The following DRC4 variants were observed in gnomAD, a reference collection of about 807,000 sequenced individuals.
DRC4 encodes dynein regulatory complex subunit 4, also known as GAS-11.
the DRC4 span, among the ~76,000 whole-genome samples, chr16:90,032,526 TATGGGTGAC>T: frequency 7.4e-6 from 1 of 134,630 alleles, no homozygotes; most frequent in African/African-American, 2.9e-5. Context: ...GCAGGTGTGG[TATGGGTGAC>T]CAGGTGTGTA....
chr16:90,042,627 C>T, the DRC4 span: 8 of 1,020,562 alleles, frequency 7.8e-6, no homozygotes, highest in Admixed American at 7.3e-5. Context: ...CACCTGTGCC[C>T]ACTTCGTACC....
At chr16:90,025,800 A>G in the DRC4 span, among the ~76,000 whole-genome samples, 1 of 151,212 alleles carries the variant, frequency 6.6e-6, no homozygotes, top group Non-Finnish European at 1.5e-5. Flanking sequence ...AGGCAGGAGA[A>G]TTGTTTGAAC....
At chr16:90,027,769 G>A in the DRC4 span, 2 of 1,541,992 alleles carry the variant, frequency 1.3e-6, no homozygotes, top group Non-Finnish European at 1.8e-6. Context: ...GCGTGGGCGG[G>A]CACCACGCAG....
At chr16:90,036,573 T>C in the DRC4 span, 3 of 1,578,076 alleles carry the variant, frequency 1.9e-6, no homozygotes, top group African/African-American at 4.1e-5. Flanking sequence ...CTGGCCCTCA[T>C]CAACTCCCTC....
chr16:90,040,881 G>T, the DRC4 span, among the ~76,000 whole-genome samples: 2 of 152,266 alleles, frequency 1.3e-5, no homozygotes, highest in East Asian at 1.9e-4. Context: ...TCCCGGCCCA[G>T]TGGGCGGTGG....
At chr16:90,023,981 T>TAA in the DRC4 span, among the ~76,000 whole-genome samples, 5 of 129,274 alleles carry the variant, frequency 3.9e-5, no homozygotes, top group East Asian at 2.3e-4. Context: ...ACACGTCTCT[T>TAA]AAAAAAAAAA....
the DRC4 span, chr16:90,031,248 C>G: frequency 4.6e-4 from 733 of 1,607,236 alleles, 10 homozygotes; most frequent in Admixed American, 0.011. Flanking sequence ...GCCCCGTTGC[C>G]GTGCATGGGC....
At chr16:90,023,767 G>T in the DRC4 span, among the ~76,000 whole-genome samples, 2 of 150,976 alleles carry the variant, frequency 1.3e-5, no homozygotes, top group African/African-American at 4.8e-5. Flanking sequence ...GCCGAGGCAG[G>T]CGGATCATGA....
At chr16:90,025,673 A>AG in the DRC4 span, among the ~76,000 whole-genome samples, 19 of 129,856 alleles carry the variant, frequency 1.5e-4, no homozygotes, top group Non-Finnish European at 1.8e-4. Context: ...AAAAAAAAAA[A>AG]GAGAGTTCAA....
the DRC4 span, among the ~76,000 whole-genome samples, chr16:90,025,385 C>G: frequency 1.3e-5 from 2 of 151,300 alleles, no homozygotes; most frequent in South Asian, 4.2e-4. Flanking sequence ...GTCGCGGTGG[C>G]TCACGCCTGT....
At chr16:90,021,273 C>T in the DRC4 span, among the ~76,000 whole-genome samples, 6 of 152,192 alleles carry the variant, frequency 3.9e-5, no homozygotes, top group Non-Finnish European at 8.8e-5. Flanking sequence ...GCAACTTCCT[C>T]CCCCAGCTGG....
At chr16:90,022,750 G>A in the DRC4 span, 107 of 1,392,830 alleles carry the variant, frequency 7.7e-5, no homozygotes, top group Non-Finnish European at 9.6e-5. Flanking sequence ...AGCGGGGCTG[G>A]GGTCCTCGGC....
At chr16:90,037,400 G>A in the DRC4 span, 1 of 1,609,424 alleles carries the variant, frequency 6.2e-7, no homozygotes, top group Non-Finnish European at 8.5e-7. Context: ...GATCCTGCTT[G>A]TGAGTTTCCC....
the DRC4 span, chr16:90,044,588 T>C: frequency 2.1e-6 from 1 of 471,242 alleles, no homozygotes; most frequent in Non-Finnish European, 4.4e-6. Context: ...CCTGCCTTCA[T>C]CTGGTCCAGG....
the DRC4 span, chr16:90,032,854 T>C: frequency 2.7e-5 from 43 of 1,613,702 alleles, no homozygotes; most frequent in Non-Finnish European, 3.5e-5. Context: ...CGCAAGGACA[T>C]GCGGGCACTG....
At chr16:90,023,139 C>T in the DRC4 span, among the ~76,000 whole-genome samples, 1 of 152,134 alleles carries the variant, frequency 6.6e-6, no homozygotes, top group Non-Finnish European at 1.5e-5. Context: ...GGAATAGAGC[C>T]GGAGGCAGGA....
At chr16:90,032,880 G>A in the DRC4 span, 2 of 1,613,932 alleles carry the variant, frequency 1.2e-6, no homozygotes, top group Non-Finnish European at 1.7e-6. Context: ...GGAGCTCAAG[G>A]AGCAGGAGCT....
chr16:90,033,183 C>A, the DRC4 span, among the ~76,000 whole-genome samples: 1 of 152,186 alleles, frequency 6.6e-6, no homozygotes, highest in East Asian at 1.9e-4. Context: ...AGCTTAGGAT[C>A]TTTCATGTGC....
At chr16:90,033,663 A>T in the DRC4 span, among the ~76,000 whole-genome samples, 3 of 152,066 alleles carry the variant, frequency 2.0e-5, no homozygotes, top group Admixed American at 6.6e-5. Context: ...GAGACAAAAC[A>T]AAAAGGAAAG....
Sources: gnomAD v4.1 joint callset for allele counts (sites outside exome capture counted in the v4.1 genomes callset) on GRCh38, gnomAD v4.1.1 for gene constraint, MANE v1.5 for transcripts, NCBI Gene and HGNC (gene_info 2026-07-23, HGNC 2026-07-21) for gene names.